Variants in C5 observed in about 807,000 individuals in gnomAD.
C5 encodes complement C5.
Under a neutral mutation model 218.8 loss-of-function variants are expected in C5, and 140 were observed. The observed-to-expected ratio is 0.64, with a 90% confidence interval of 0.56 to 0.74. The LOEUF is 0.74. Ranked by LOEUF, C5 falls within the 30% of genes least tolerant of loss-of-function variation. The pLI is 0.00. For missense variants in C5, 1,700 were observed against 1,969.6 expected (o/e 0.86, Z 2.59); for synonymous variants, 614 against 682.3 (o/e 0.90, Z 1.56).
At chr9:121,061,916 GAAAGAA>G in the C5 span, among the ~76,000 whole-genome samples, 1 of 152,138 alleles carries the variant, frequency 6.6e-6, no homozygotes, top group Non-Finnish European at 1.5e-5. Context: ...AGGAAAGCCT[GAAAGAA>G]AAAGAAACTG....
chr9:121,038,314 C>T (rs1447224317), intron 3 of C5, among the ~76,000 whole-genome samples: 1 of 152,148 alleles, frequency 6.6e-6, no homozygotes, highest in Non-Finnish European at 1.5e-5. Context: ...ATAGTGACAT[C>T]ACCATATGGT....
At chr9:121,073,813 C>G in the C5 span, among the ~76,000 whole-genome samples, 9 of 151,968 alleles carry the variant, frequency 5.9e-5, no homozygotes, top group Non-Finnish European at 1.2e-4. Flanking sequence ...AGCGCCCGGC[C>G]AGGATTCACT....
chr9:121,012,611 T>C (rs41309866), intron 17 of C5, among the ~76,000 whole-genome samples: 11,950 of 152,270 alleles, frequency 0.078, 530 homozygotes, highest in Non-Finnish European at 0.11. Context: ...CAAACATAAA[T>C]TTTGTGGCCA....
chr9:120,997,498 C>G, intron 21 of C5, 49 bp downstream of exon 21: 2 of 1,345,744 alleles, frequency 1.5e-6, no homozygotes, highest in Non-Finnish European at 1.1e-6. Context: ...TTCTGTGTCT[C>G]TCTTTTGCAA....
intron 17 of C5, among the ~76,000 whole-genome samples, chr9:121,009,105 T>C (rs140318076): frequency 1.1e-3 from 174 of 152,338 alleles, no homozygotes; most frequent in African/African-American, 4.0e-3. Context: ...TTTGCACTTA[T>C]ATATATAATT....
chr9:120,975,036 G>T, intron 29 of C5, 105 bp from the exon 30 acceptor site: 1 of 1,295,348 alleles, frequency 7.7e-7, no homozygotes, highest in Non-Finnish European at 1.1e-6. Context: ...GTCTGGAGAT[G>T]AAACTCCAGC....
At chr9:120,986,255 G>A (rs1252131335) in intron 25 of C5, among the ~76,000 whole-genome samples, 1 of 151,570 alleles carries the variant, frequency 6.6e-6, no homozygotes. Flanking sequence ...TATTAAAAAT[G>A]TTCTGGAAAG....
intron 28 of C5, among the ~76,000 whole-genome samples, 164 bp downstream of exon 28, chr9:120,979,919 A>C (rs2046979295): frequency 6.6e-6 from 1 of 152,138 alleles, no homozygotes; most frequent in Non-Finnish European, 1.5e-5. Context: ...TGCATGAATA[A>C]ATGAATGAAT....
intron 17 of C5, among the ~76,000 whole-genome samples, chr9:121,011,965 A>G (rs2047265560): frequency 1.3e-5 from 2 of 151,802 alleles, no homozygotes; most frequent in South Asian, 4.1e-4. Context: ...GAAGGCTGGG[A>G]AGGGTAGTAG....
rs750428259 is a variant in C5 at position 121,020,141 on chromosome 9, C to A, written c.1341G>T (p.Gln447His). 2 of 1,614,008 alleles carry A rather than the reference C, an allele frequency of 1.2e-6. No individual in the cohort carries two copies. Among genetic ancestry groups the A allele is most frequent in the Non-Finnish European group, 1.7e-6 (2 of 1,179,940 alleles). Residue 447 changes from glutamine (Q) to histidine (H), a missense_variant, in exon 12 of 41, where the codon CAG (glutamine) becomes CAT (histidine). By Grantham distance (24) the Gln-to-His change is conservative. Coordinates refer to ENST00000223642, the MANE Select transcript of C5 (RefSeq NM_001735.3). The part of the protein sequence containing the change: ...TDAPDLPEEN[Q>H]AREGYRAIAY... ...CTATTGCTCGGTAACCTTCCCTGGCCTGATTTTCTTCTGGAAGATCTGGAG... is the reference window on the plus strand; with the variant it reads ...CTATTGCTCGGTAACCTTCCCTGGCATGATTTTCTTCTGGAAGATCTGGAG...
rs2131710910 is a variant in C5 at position 120,989,603 on chromosome 9, A to G, written c.3119T>C (p.Ile1040Thr). 1 of 1,611,532 alleles carries G rather than the reference A, an allele frequency of 6.2e-7. No individual in the cohort carries two copies. The highest frequency in any genetic ancestry group is 8.5e-7 in the Non-Finnish European group (1 of 1,179,012). ...TTTTTTCTTCAGTTTCTGCTTTTCA[A>G]TTAATGGGTCAGAATGAAAAATGTT... The part of the protein sequence containing the change: ...HWNIFHSDPL[I>T]EKQKLKKKLK... Residue 1040 changes from isoleucine to threonine, a missense_variant, in exon 24 of 41, where the codon ATT becomes ACT. Physicochemically the swap from Ile to Thr is moderately conservative, Grantham distance 89 (BLOSUM62 -1). Coordinates refer to ENST00000223642, the MANE Select transcript of C5 (RefSeq NM_001735.3).
intron 20 of C5, among the ~76,000 whole-genome samples, chr9:120,999,194 C>T (rs996619522): frequency 3.3e-5 from 5 of 152,118 alleles, no homozygotes; most frequent in African/African-American, 1.2e-4. Flanking sequence ...CAGTAATAGC[C>T]AAATAGCTTA....
the C5 span, among the ~76,000 whole-genome samples, chr9:121,058,704 G>A: frequency 6.6e-6 from 1 of 152,214 alleles, no homozygotes; most frequent in African/African-American, 2.4e-5. Flanking sequence ...TTCCCAAAGT[G>A]CTGGGATTAC....
At chr9:121,035,184 G>A (rs942626632) in intron 4 of C5, among the ~76,000 whole-genome samples, 33 of 151,972 alleles carry the variant, frequency 2.2e-4, no homozygotes, top group Non-Finnish European at 2.5e-4. Context: ...GTAACAACAC[G>A]TAAAAACAAC....
At chr9:121,047,789 A>G (rs1306141870) in intron 1 of C5, among the ~76,000 whole-genome samples, 1 of 152,234 alleles carries the variant, frequency 6.6e-6, no homozygotes, top group African/African-American at 2.4e-5. Flanking sequence ...CCAGATTTCC[A>G]ACCATCATCT....
chr9:120,980,613 C>T (rs1427541601), intron 27 of C5, among the ~76,000 whole-genome samples: 4 of 151,946 alleles, frequency 2.6e-5, no homozygotes, highest in African/African-American at 7.3e-5. Flanking sequence ...TTTTTTGAGA[C>T]GGAGTCTCGC....
chr9:120,981,915 C>G lies in C5; in HGVS notation c.3415G>C (p.Glu1139Gln). ...LQGTLPVEAR[E>Q]NSLYLTAFTV... The stretch of plus-strand genomic sequence containing the variant: ...AAGGCTGTAAGATATAAGCTGTTCT[C>G]TCGGGCTTCAACAGGCAAGGTACCC... The change falls in exon 27 of 41, where the codon GAG becomes CAG. Residue 1139 changes from glutamate to glutamine, a missense_variant. Coordinates refer to ENST00000223642, the MANE Select transcript of C5 (RefSeq NM_001735.3). 1 of 1,613,994 alleles carries G rather than the reference C, an allele frequency of 6.2e-7. No homozygotes were observed. The highest frequency in any genetic ancestry group is 1.7e-5 in the Admixed American group (1 of 60,022).
At chr9:121,070,371 A>G in the C5 span, among the ~76,000 whole-genome samples, 1 of 127,788 alleles carries the variant, frequency 7.8e-6, no homozygotes, top group Non-Finnish European at 1.6e-5. Flanking sequence ...GAAAGAAGGA[A>G]GGAAGGAAGG....
chr9:121,040,587 C>T (rs1428347907), intron 3 of C5, among the ~76,000 whole-genome samples: 5 of 152,182 alleles, frequency 3.3e-5, no homozygotes, highest in Non-Finnish European at 7.3e-5. Flanking sequence ...TGGCTTTGTG[C>T]TATTCCATAG....
Sources: allele counts gnomAD v4.1 joint callset (sites outside exome capture counted in the v4.1 genomes callset), GRCh38; gene constraint gnomAD v4.1.1; transcripts MANE v1.5; gene names NCBI Gene and HGNC (gene_info 2026-07-23, HGNC 2026-07-21).